The following KLHL20 variants were observed in gnomAD, a reference collection of about 807,000 sequenced individuals.
The protein encoded by KLHL20 is kelch-like protein 20.
In KLHL20, 29 loss-of-function variants were observed where a neutral mutation model predicts 69.5. That is an observed-to-expected ratio of 0.42 (90% CI 0.31 to 0.57). The LOEUF (loss-of-function observed/expected upper bound fraction) is 0.57. KLHL20 is among the 20% of genes least tolerant of loss of function. The pLI, the probability that KLHL20 is intolerant of heterozygous loss-of-function variation, is 0.18. For missense variants in KLHL20, 419 were observed against 776.0 expected (o/e 0.54, Z 5.47); for synonymous variants, 253 against 265.2 (o/e 0.95, Z 0.45).
intron 3 of KLHL20, 83 bp downstream of exon 3, chr1:173,734,369 G>A (rs777461940): frequency 1.8e-6 from 2 of 1,128,458 alleles, no homozygotes; most frequent in South Asian, 1.3e-5. Flanking sequence ...ACTTGCCTGG[G>A]TATTTCCTGC....
intron 10 of KLHL20, 45 bp from the exon 11 acceptor site, chr1:173,782,079 G>A (rs146078915): frequency 2.2e-5 from 29 of 1,320,098 alleles, no homozygotes; most frequent in East Asian, 1.4e-4. Context: ...ATTTCCTTAC[G>A]ATTGTCTAGT....
intron 11 of KLHL20, 152 bp from the exon 12 acceptor site, chr1:173,785,011 T>G: frequency 1.8e-6 from 1 of 566,894 alleles, no homozygotes; most frequent in Non-Finnish European, 3.0e-6. Context: ...TTCTAATCTT[T>G]AGAATGAAGA....
At chr1:173,738,176 C>T (rs1172741388) in intron 3 of KLHL20, among the ~76,000 whole-genome samples, 1 of 152,068 alleles carries the variant, frequency 6.6e-6, no homozygotes, top group Non-Finnish European at 1.5e-5. Flanking sequence ...TTGACTTTCT[C>T]TTTAACAATT....
At chr1:173,747,066 T>G (rs1235238559) in intron 3 of KLHL20, among the ~76,000 whole-genome samples, 1 of 152,030 alleles carries the variant, frequency 6.6e-6, no homozygotes, top group Non-Finnish European at 1.5e-5. Context: ...TTGATCAGTG[T>G]TTGCAGTAAT....
chr1:173,773,192 G>A (rs1404849122), intron 8 of KLHL20, among the ~76,000 whole-genome samples: 5 of 151,284 alleles, frequency 3.3e-5, no homozygotes, highest in African/African-American at 7.3e-5. Context: ...TCTTGAACTC[G>A]AACTTGTGGC....
At chr1:173,749,039 T>TC in intron 3 of KLHL20, among the ~76,000 whole-genome samples, 1 of 152,110 alleles carries the variant, frequency 6.6e-6, no homozygotes, top group Non-Finnish European at 1.5e-5. Flanking sequence ...CATATTGAAA[T>TC]CCCAGTAAGG....
At position 173,753,260 on chromosome 1, in the gene KLHL20, C is replaced by T. The variant is rs199688581; in HGVS notation, c.804C>T (p.Val268=). The T allele has an allele frequency of 2.2e-4, 348 of 1,613,840 alleles. 1 individual carries two copies. Among genetic ancestry groups the T allele is most frequent in the Non-Finnish European group, 2.8e-4 (331 of 1,179,968 alleles). Residue 268 remains valine (V), a synonymous_variant, in exon 5 of 12, where the codon GTC becomes GTT. Transcript: ENST00000209884. ...CTTTGCTTAGTCCCAAGTTCCTGGT[C>T]GGCACAGTAGGCTCTGATCCCCTCA... ...RLPLLSPKFL[V]GTVGSDPLIK...
intron 3 of KLHL20, among the ~76,000 whole-genome samples, chr1:173,740,733 C>T (rs571815662): frequency 1.6e-4 from 24 of 151,928 alleles, no homozygotes; most frequent in Non-Finnish European, 2.2e-4. Context: ...TTCTCCCCGC[C>T]GAGAAAGCAG....
At chr1:173,722,132 G>A (rs7514556) in intron 2 of KLHL20, among the ~76,000 whole-genome samples, 34,718 of 151,758 alleles carry the variant, frequency 0.23, 4,432 homozygotes, top group Middle Eastern at 0.39. Flanking sequence ...AAATTTTTTC[G>A]TAGAGATGGA....
At chr1:173,716,134 T>A in intron 2 of KLHL20, 68 bp downstream of exon 2, 3 of 1,467,316 alleles carry the variant, frequency 2.0e-6, no homozygotes, top group Non-Finnish European at 9.5e-7. Flanking sequence ...TTTAAATTTT[T>A]AAAAAAGAGT....
At chr1:173,738,489 TTCTC>T in intron 3 of KLHL20, among the ~76,000 whole-genome samples, 1 of 152,256 alleles carries the variant, frequency 6.6e-6, no homozygotes, top group East Asian at 1.9e-4. Context: ...CTTTATTTCT[TTCTC>T]TTGTGTGATT....
intron 8 of KLHL20, 61 bp from the exon 9 acceptor site, chr1:173,774,244 T>C (rs1263335635): frequency 6.2e-7 from 1 of 1,601,768 alleles, no homozygotes; most frequent in African/African-American, 1.3e-5. Flanking sequence ...TGATTTCAGA[T>C]CTTATGAAAA....
chr1:173,763,878 A>C (rs1193573295), intron 7 of KLHL20, among the ~76,000 whole-genome samples: 1 of 151,812 alleles, frequency 6.6e-6, no homozygotes, highest in Non-Finnish European at 1.5e-5. Flanking sequence ...AAAAAAAAAA[A>C]AAAACAGCTG....
Position 173,748,215 on chromosome 1 carries a change from A to G in KLHL20, c.598-3549A>G, listed in dbSNP as rs561702182. ...AATGCCAGTCCCAGATGGTGAATTT[A>G]TCAAAAATGTAAAGAAGAAATAACA... On this transcript the variant is annotated intron_variant, in intron 3 of 11. Transcript: ENST00000209884. Among the ~76,000 whole-genome samples, 3 of 152,290 alleles carry G rather than the reference A, an allele frequency of 2.0e-5. No homozygotes were observed. The South Asian group carries it at 6.2e-4, about 32-fold the overall frequency.
chr1:173,760,704 ACTT>A (rs199588990), intron 7 of KLHL20, among the ~76,000 whole-genome samples: 1,807 of 152,336 alleles, frequency 0.012, 45 homozygotes, highest in African/African-American at 0.042. Context: ...CACTACAAGA[ACTT>A]CTAAAAGGAG....
chr1:173,759,242 A>G (rs981389552), intron 7 of KLHL20, among the ~76,000 whole-genome samples: 17 of 152,182 alleles, frequency 1.1e-4, no homozygotes, highest in African/African-American at 4.1e-4. Context: ...GCCCAAGGAG[A>G]GTCTGAGCTC....
chr1:173,752,095 G>A (rs1242551645), intron 4 of KLHL20, among the ~76,000 whole-genome samples, 173 bp downstream of exon 4: 1 of 152,082 alleles, frequency 6.6e-6, no homozygotes, highest in Admixed American at 6.5e-5. Context: ...AATTAGCTAG[G>A]CATTGTGGCG....
chr1:173,739,956 T>C (rs1161956695), intron 3 of KLHL20, among the ~76,000 whole-genome samples: 2 of 152,038 alleles, frequency 1.3e-5, no homozygotes, highest in South Asian at 2.1e-4. Flanking sequence ...TTGTTTCTAA[T>C]TGAGCTTATT....
intron 3 of KLHL20, among the ~76,000 whole-genome samples, chr1:173,738,247 C>A (rs972997913): frequency 6.6e-6 from 1 of 152,116 alleles, no homozygotes. Flanking sequence ...CTTTGTCCCC[C>A]AGCTTTGACC....
Sources: gnomAD v4.1 joint callset for allele counts (sites outside exome capture counted in the v4.1 genomes callset) on GRCh38, gnomAD v4.1.1 for gene constraint, MANE v1.5 for transcripts, NCBI Gene and HGNC (gene_info 2026-07-23, HGNC 2026-07-21) for gene names.